SMYD3: variants seen among roughly 807,000 people sequenced by gnomAD.
SMYD3 encodes the protein SET and MYND domain containing 3.
In SMYD3, 36 loss-of-function variants were observed where a neutral mutation model predicts 57.7. That is an observed-to-expected ratio of 0.62 (90% CI 0.48 to 0.82). The LOEUF is 0.82. SMYD3 is among the 40% of genes least tolerant of loss of function. The pLI is 0.00. For missense variants in SMYD3, 515 were observed against 538.8 expected (o/e 0.96, Z 0.44); for synonymous variants, 211 against 195.0 (o/e 1.08, Z -0.68).
intron 5 of SMYD3, among the ~76,000 whole-genome samples, chr1:245,981,417 G>A (rs1387045192): frequency 1.3e-5 from 2 of 152,178 alleles, no homozygotes; most frequent in Non-Finnish European, 2.9e-5. Flanking sequence ...CAATAGCATT[G>A]AGCTGTCAGG....
intron 1 of SMYD3, among the ~76,000 whole-genome samples, chr1:246,411,523 C>T (rs2066968249): frequency 6.6e-6 from 1 of 152,116 alleles, no homozygotes; most frequent in Non-Finnish European, 1.5e-5. Flanking sequence ...GACACACGCA[C>T]ACATATGTTT....
At chr1:246,297,198 C>T (rs1181830443) in intron 5 of SMYD3, among the ~76,000 whole-genome samples, 1 of 152,030 alleles carries the variant, frequency 6.6e-6, no homozygotes, top group Non-Finnish European at 1.5e-5. Flanking sequence ...GAAACAAGGA[C>T]CATCTTTGAG....
intron 5 of SMYD3, among the ~76,000 whole-genome samples, chr1:246,206,158 G>T (rs1000490200): frequency 2.6e-5 from 4 of 151,982 alleles, no homozygotes; most frequent in African/African-American, 9.7e-5. Flanking sequence ...AAAAAGAGTA[G>T]TCTTAAAATG....
At chr1:246,179,000 T>A (rs2062483811) in intron 5 of SMYD3, 1 of 152,842 alleles carries the variant, frequency 6.5e-6, no homozygotes. Context: ...AAACTTTTCC[T>A]GCTTCCATTG....
At chr1:245,786,542 C>T (rs2047056140) in intron 10 of SMYD3, among the ~76,000 whole-genome samples, 1 of 151,962 alleles carries the variant, frequency 6.6e-6, no homozygotes, top group Admixed American at 6.6e-5. Context: ...CCTCACTGAA[C>T]CTCACCTAAC....
At chr1:246,413,289 T>C (rs1482498455) in intron 1 of SMYD3, among the ~76,000 whole-genome samples, 1 of 152,164 alleles carries the variant, frequency 6.6e-6, no homozygotes, top group Non-Finnish European at 1.5e-5. Context: ...ATAGTCCAGC[T>C]TATATTCAAA....
In SMYD3 at chr1:246,000,383, GA is replaced by G. The variant is rs1013332107; in HGVS notation, c.532-70447del. 1.9e-4 allele frequency among the ~76,000 whole-genome samples: 28 copies of G among 150,552 alleles called. No homozygotes were observed. The East Asian group carries it at 3.1e-3, about 17-fold the overall frequency. ...GACAGGAGAAAAAAGGAACATGGAA[GA>G]AAAAAAAACAGAATGTGAAGATGGA... On this transcript the variant is annotated intron_variant, in intron 5 of 11. Coordinates refer to ENST00000490107, the MANE Select transcript of SMYD3 (RefSeq NM_001167740.2).
At position 246,255,328 on chromosome 1, in the gene SMYD3, A is replaced by T. The variant is rs116815719; in HGVS notation, c.531+71873T>A. Among the ~76,000 whole-genome samples the T allele has an allele frequency of 5.7e-3, 845 of 149,520 alleles. 3 individuals are homozygous for T. The highest frequency in any genetic ancestry group is 0.014 in the African/African-American group (570 of 40,972). On this transcript the variant is annotated intron_variant, in intron 5 of 11. Coordinates refer to ENST00000490107, the MANE Select transcript of SMYD3 (RefSeq NM_001167740.2). The stretch of plus-strand genomic sequence containing the variant: ...ATTTGATGGATCTTATTATAATAAT[A>T]ATTATTATTATTATTATTTTCCTTC...
intron 1 of SMYD3, among the ~76,000 whole-genome samples, chr1:246,409,781 CATG>C (rs757312739): frequency 1.3e-5 from 2 of 152,172 alleles, no homozygotes; most frequent in South Asian, 4.1e-4. Flanking sequence ...TAGCTTTTTT[CATG>C]ATATTGATTC....
chr1:246,274,157 A>C (rs1485984595), intron 5 of SMYD3, among the ~76,000 whole-genome samples: 2 of 152,204 alleles, frequency 1.3e-5, no homozygotes, highest in African/African-American at 2.4e-5. Context: ...CAAGTTCTTC[A>C]TGCTCTGAAA....
At chr1:246,438,500 C>CT (rs1427185749) in intron 1 of SMYD3, among the ~76,000 whole-genome samples, 1 of 152,136 alleles carries the variant, frequency 6.6e-6, no homozygotes, top group African/African-American at 2.4e-5. Context: ...CCCTTGTATC[C>CT]TCCAGGGATT....
chr1:246,165,581 G>C (rs559488188), intron 5 of SMYD3, among the ~76,000 whole-genome samples: 16 of 152,134 alleles, frequency 1.1e-4, no homozygotes, highest in South Asian at 4.2e-4. Context: ...AAAAGTCGTC[G>C]AAACAATCTT....
chr1:245,795,688 G>A (rs905607463), intron 10 of SMYD3, among the ~76,000 whole-genome samples: 8 of 152,028 alleles, frequency 5.3e-5, no homozygotes, highest in East Asian at 1.9e-4. Flanking sequence ...GGGCCCATGC[G>A]CTCCAGTCAC....
intron 5 of SMYD3, among the ~76,000 whole-genome samples, chr1:246,199,587 C>A (rs2062877864): frequency 6.6e-6 from 1 of 152,156 alleles, no homozygotes. Flanking sequence ...ACTGGATACT[C>A]CCTCCCTTCA....
intron 5 of SMYD3, among the ~76,000 whole-genome samples, chr1:246,281,226 A>G (rs539030387): frequency 6.6e-6 from 1 of 152,246 alleles, no homozygotes; most frequent in African/African-American, 2.4e-5. Flanking sequence ...CCCGTGGTAG[A>G]GCCTGCCTCA....
intron 5 of SMYD3, among the ~76,000 whole-genome samples, chr1:246,235,306 TTA>T (rs1200168110): frequency 6.6e-6 from 1 of 152,218 alleles, no homozygotes. Flanking sequence ...AATTGAAGAA[TTA>T]GTCTCAATTT....
intron 1 of SMYD3, among the ~76,000 whole-genome samples, chr1:246,452,072 T>C (rs1254734133): frequency 1.3e-5 from 2 of 152,220 alleles, no homozygotes; most frequent in East Asian, 3.8e-4. Context: ...TAATTTAACA[T>C]TCTTTTAAAT....
intron 6 of SMYD3, 38 bp downstream of exon 6, chr1:245,929,832 A>C (rs779841208): frequency 6.5e-6 from 10 of 1,530,748 alleles, no homozygotes; most frequent in Non-Finnish European, 8.1e-6. Context: ...TGGGAATGAA[A>C]GTGTGTCTTC....
intron 5 of SMYD3, among the ~76,000 whole-genome samples, chr1:246,192,666 T>A (rs1273898030): frequency 6.6e-6 from 1 of 152,232 alleles, no homozygotes; most frequent in Non-Finnish European, 1.5e-5. Flanking sequence ...TATTTCCTTA[T>A]AACTTTAAAA....
Sources: allele counts gnomAD v4.1 joint callset (sites outside exome capture counted in the v4.1 genomes callset), GRCh38; gene constraint gnomAD v4.1.1; transcripts MANE v1.5; gene names NCBI Gene and HGNC (gene_info 2026-07-23, HGNC 2026-07-21).